COL19A1: variants seen among roughly 807,000 people sequenced by gnomAD.
COL19A1 encodes the protein collagen type XIX alpha 1 chain.
A neutral mutation model predicts 190.2 loss-of-function variants in COL19A1; 159 were observed. That is an observed-to-expected ratio of 0.84 (90% CI 0.73 to 0.95). COL19A1 has a LOEUF of 0.95. Ranked by LOEUF, COL19A1 falls within the 40% of genes least tolerant of loss-of-function variation. The pLI, the probability that COL19A1 is intolerant of heterozygous loss-of-function variation, is 0.00. For missense variants in COL19A1, 1,418 were observed against 1,431.9 expected (o/e 0.99, Z 0.16); for synonymous variants, 509 against 458.9 (o/e 1.11, Z -1.39).
At chr6:69,902,826 C>T (rs901396634) in intron 4 of COL19A1, among the ~76,000 whole-genome samples, 2 of 152,176 alleles carry the variant, frequency 1.3e-5, no homozygotes, top group Non-Finnish European at 2.9e-5. Flanking sequence ...TGCACTCTCA[C>T]GCCAGGGGGC....
intron 14 of COL19A1, among the ~76,000 whole-genome samples, chr6:70,058,680 T>C (rs1379506702): frequency 6.6e-6 from 1 of 151,992 alleles, no homozygotes; most frequent in African/African-American, 2.4e-5. Flanking sequence ...TAAAATAACA[T>C]AACATAAAGC....
At chr6:69,985,471 A>G (rs994938027) in intron 11 of COL19A1, among the ~76,000 whole-genome samples, 3 of 152,174 alleles carry the variant, frequency 2.0e-5, no homozygotes, top group African/African-American at 7.2e-5. Context: ...AGTCAGGTCT[A>G]TTGAAGAGAT....
intron 11 of COL19A1, among the ~76,000 whole-genome samples, chr6:70,016,678 C>T (rs1778128297): frequency 6.6e-6 from 1 of 151,786 alleles, no homozygotes; most frequent in South Asian, 2.1e-4. Context: ...AGAACTTTTA[C>T]AACTCACAAA....
intron 34 of COL19A1, among the ~76,000 whole-genome samples, 191 bp from the exon 35 acceptor site, chr6:70,161,709 C>G (rs1433173531): frequency 6.6e-6 from 1 of 151,766 alleles, no homozygotes; most frequent in African/African-American, 2.4e-5. Context: ...TCACTTGCAC[C>G]CCTAAAGAAA....
chr6:69,905,948 T>C (rs1423741624), intron 4 of COL19A1, among the ~76,000 whole-genome samples: 1 of 152,200 alleles, frequency 6.6e-6, no homozygotes, highest in Non-Finnish European at 1.5e-5. Context: ...TCTCCAAGTA[T>C]CCCTAGTTAT....
At chr6:69,917,357 CAT>C (rs1297388555) in intron 4 of COL19A1, among the ~76,000 whole-genome samples, 1 of 152,120 alleles carries the variant, frequency 6.6e-6, no homozygotes, top group Non-Finnish European at 1.5e-5. Context: ...TGCAAGATAA[CAT>C]AGATTTTATG....
intron 11 of COL19A1, among the ~76,000 whole-genome samples, chr6:69,975,111 C>A (rs955523923): frequency 6.6e-6 from 1 of 152,130 alleles, no homozygotes; most frequent in Admixed American, 6.5e-5. Flanking sequence ...CCGCACCCAG[C>A]CAAGACAGCT....
intron 14 of COL19A1, among the ~76,000 whole-genome samples, chr6:70,065,239 G>A (rs1781104131): frequency 6.6e-6 from 1 of 152,150 alleles, no homozygotes; most frequent in Admixed American, 6.6e-5. Context: ...AAAACAGCAT[G>A]ATACTGGTAC....
intron 20 of COL19A1, 72 bp from the exon 21 acceptor site, chr6:70,141,821 A>G (rs929850158): frequency 3.0e-6 from 3 of 990,812 alleles, no homozygotes; most frequent in African/African-American, 3.3e-5. Context: ...TAGAAATTCA[A>G]TTAAAGTATC....
chr6:70,184,742 T>G lies in COL19A1; in HGVS notation c.2811+4T>G. 6.2e-7 allele frequency: 1 copy of G among 1,602,236 alleles called. No homozygotes were observed. The highest frequency in any genetic ancestry group is 8.5e-7 in the Non-Finnish European group (1 of 1,170,972). ...AGATGGAATACCAGGTGCTCAGGTA[T>G]GGGAAATATGATTTAAAATAAAAGT... On this transcript the variant is annotated splice_donor_region_variant and intron_variant, in intron 45 of 50. Transcript: ENST00000620364.
At chr6:70,081,067 T>C (rs1782218381) in intron 15 of COL19A1, among the ~76,000 whole-genome samples, 1 of 152,192 alleles carries the variant, frequency 6.6e-6, no homozygotes, top group Non-Finnish European at 1.5e-5. Context: ...CTATTCCCTT[T>C]CTTTTTAATT....
intron 36 of COL19A1, 118 bp downstream of exon 36, chr6:70,163,514 G>A: frequency 1.2e-6 from 1 of 867,854 alleles, no homozygotes; most frequent in Non-Finnish European, 1.8e-6. Context: ...AATGATGGTA[G>A]AAAGTACCTA....
chr6:70,066,764 AT>A, intron 14 of COL19A1, among the ~76,000 whole-genome samples: 1 of 152,190 alleles, frequency 6.6e-6, no homozygotes, highest in African/African-American at 2.4e-5. Flanking sequence ...AATGTTAATT[AT>A]TTTTAAATTA....
At chr6:69,907,107 A>ATTTTTTTT (rs56927758) in intron 4 of COL19A1, among the ~76,000 whole-genome samples, 4 of 129,400 alleles carry the variant, frequency 3.1e-5, no homozygotes, top group African/African-American at 8.7e-5. Context: ...TATTATTATT[A>ATTTTTTTT]TTTTTTTTTT....
intron 46 of COL19A1, among the ~76,000 whole-genome samples, chr6:70,187,211 T>C (rs962161257): frequency 2.6e-5 from 4 of 152,172 alleles, no homozygotes; most frequent in African/African-American, 7.2e-5. Context: ...ATTTATACTA[T>C]TGAGTAAATG....
intron 48 of COL19A1, among the ~76,000 whole-genome samples, chr6:70,198,824 G>C (rs1767370744): frequency 1.3e-5 from 2 of 152,098 alleles, no homozygotes; most frequent in African/African-American, 4.8e-5. Context: ...TAATTGTATG[G>C]ATCTGGCTCA....
chr6:70,019,237 G>A (rs1045012725), intron 11 of COL19A1, among the ~76,000 whole-genome samples: 6 of 152,080 alleles, frequency 3.9e-5, no homozygotes, highest in African/African-American at 1.4e-4. Context: ...TCTGTAAATG[G>A]GGATGAGATT....
intron 14 of COL19A1, among the ~76,000 whole-genome samples, chr6:70,064,109 C>A (rs1014012942): frequency 1.2e-4 from 18 of 152,230 alleles, no homozygotes; most frequent in African/African-American, 4.1e-4. Context: ...AAGAGAGAAT[C>A]CTCCCTAACT....
At position 70,004,990 on chromosome 6, in the gene COL19A1, A is replaced by G. The variant is rs532084157; in HGVS notation, c.1027-18637A>G. ...TGGGACTACAGGTGCCTGCCACCAC[A>G]CCCAGCTAATATTTTGTATTTTTAG... On this transcript the variant is annotated intron_variant, in intron 11 of 50. Transcript: ENST00000620364. Among the ~76,000 whole-genome samples the G allele has an allele frequency of 7.9e-5, 12 of 151,806 alleles. No homozygotes were observed. In the East Asian group the frequency reaches 1.4e-3, roughly 17 times the overall value.
Sources: allele counts gnomAD v4.1 joint callset (sites outside exome capture counted in the v4.1 genomes callset), GRCh38; gene constraint gnomAD v4.1.1; transcripts MANE v1.5; gene names NCBI Gene and HGNC (gene_info 2026-07-23, HGNC 2026-07-21).